SV2C: variants seen among roughly 807,000 people sequenced by gnomAD.
SV2C encodes the protein solute carrier family 22 member B3.
Under a neutral mutation model 79.7 loss-of-function variants are expected in SV2C, and 49 were observed. That is an observed-to-expected ratio of 0.61 (90% CI 0.49 to 0.78). SV2C has a LOEUF of 0.78. Ranked by LOEUF, SV2C falls within the 30% of genes least tolerant of loss-of-function variation. The pLI is 0.00. For missense variants in SV2C, 833 were observed against 912.9 expected (o/e 0.91, Z 1.13); for synonymous variants, 334 against 333.2 (o/e 1.00, Z -0.03).
the SV2C span, among the ~76,000 whole-genome samples, chr5:75,874,320 A>G: frequency 6.6e-6 from 1 of 152,216 alleles, no homozygotes; most frequent in African/African-American, 2.4e-5. Context: ...TGATTATCTC[A>G]ATAGACACAG....
the SV2C span, among the ~76,000 whole-genome samples, chr5:75,978,604 T>C: frequency 6.6e-6 from 1 of 152,180 alleles, no homozygotes; most frequent in Non-Finnish European, 1.5e-5. Context: ...ATATATATGT[T>C]TCCACAAAAA....
chr5:75,915,700 G>T, the SV2C span, among the ~76,000 whole-genome samples: 2 of 152,218 alleles, frequency 1.3e-5, no homozygotes, highest in African/African-American at 4.8e-5. Flanking sequence ...AGACAGGATT[G>T]TTCACTTGAT....
At chr5:76,289,809 G>A (rs530423182) in intron 6 of SV2C, among the ~76,000 whole-genome samples, 5 of 152,318 alleles carry the variant, frequency 3.3e-5, no homozygotes, top group South Asian at 2.1e-4. Context: ...GGCAGATAGC[G>A]TATTTCTCTA....
the SV2C span, among the ~76,000 whole-genome samples, chr5:76,030,289 T>TTTTTTTTTTTTTTTTTTTTA: frequency 8.5e-6 from 1 of 117,876 alleles, no homozygotes; most frequent in Admixed American, 8.4e-5. Context: ...TTTTTTTTTT[T>TTTTTTTTTTTTTTTTTTTTA]TTTATTTATT....
intron 2 of SV2C, among the ~76,000 whole-genome samples, chr5:76,190,668 G>A (rs1428265453): frequency 6.6e-6 from 1 of 152,176 alleles, no homozygotes; most frequent in Non-Finnish European, 1.5e-5. Context: ...GTCAAGGAGA[G>A]ATTGTGTGTC....
intron 4 of SV2C, among the ~76,000 whole-genome samples, chr5:76,269,268 G>A (rs567134020): frequency 3.3e-5 from 5 of 152,064 alleles, no homozygotes; most frequent in African/African-American, 1.2e-4. Context: ...TGTCTCCTGG[G>A]GTATAGTTCT....
intron 2 of SV2C, among the ~76,000 whole-genome samples, chr5:76,163,599 C>A (rs1580319211): frequency 6.6e-6 from 1 of 152,226 alleles, no homozygotes; most frequent in Middle Eastern, 3.4e-3. Flanking sequence ...TGCCCCAGCA[C>A]CACCTTGGTG....
At chr5:76,217,944 A>G (rs1161899847) in intron 4 of SV2C, among the ~76,000 whole-genome samples, 1 of 152,214 alleles carries the variant, frequency 6.6e-6, no homozygotes, top group African/African-American at 2.4e-5. Context: ...CCAGATAGAA[A>G]TAACGAGAGT....
intron 2 of SV2C, among the ~76,000 whole-genome samples, chr5:76,171,682 G>T: frequency 7.4e-6 from 1 of 135,372 alleles, no homozygotes; most frequent in Admixed American, 7.5e-5. Flanking sequence ...CCCCCCGCCC[G>T]GCCAGCCGTG....
At chr5:76,068,777 T>G in the SV2C span, among the ~76,000 whole-genome samples, 1 of 152,114 alleles carries the variant, frequency 6.6e-6, no homozygotes, top group Admixed American at 6.5e-5. Flanking sequence ...TTTGCATATA[T>G]GTATCATAAT....
chr5:76,150,397 C>A (rs1272492148), intron 2 of SV2C, among the ~76,000 whole-genome samples: 1 of 151,964 alleles, frequency 6.6e-6, no homozygotes, highest in African/African-American at 2.4e-5. Flanking sequence ...AGGATGGTCT[C>A]AATCTCTCGA....
intron 3 of SV2C, among the ~76,000 whole-genome samples, chr5:76,206,008 C>CT (rs1188560678): frequency 6.6e-6 from 1 of 152,176 alleles, no homozygotes; most frequent in Non-Finnish European, 1.5e-5. Context: ...AATTTAAGGA[C>CT]TTTCATTTAC....
the SV2C span, among the ~76,000 whole-genome samples, chr5:76,065,591 T>C: frequency 6.6e-6 from 1 of 152,200 alleles, no homozygotes; most frequent in East Asian, 1.9e-4. Flanking sequence ...ATCTTTAACA[T>C]TTTGAATACT....
At chr5:75,982,732 G>A in the SV2C span, among the ~76,000 whole-genome samples, 15 of 152,174 alleles carry the variant, frequency 9.9e-5, no homozygotes, top group Non-Finnish European at 1.9e-4. Flanking sequence ...ATCAATGATA[G>A]ACTGAATAAA....
chr5:75,886,371 C>T, the SV2C span, among the ~76,000 whole-genome samples: 3 of 152,144 alleles, frequency 2.0e-5, no homozygotes, highest in African/African-American at 7.2e-5. Context: ...TCCTAAGTGG[C>T]ACACTGCCTT....
chr5:75,981,133 A>C, the SV2C span, among the ~76,000 whole-genome samples: 2,325 of 152,290 alleles, frequency 0.015, 51 homozygotes, highest in African/African-American at 0.053. Flanking sequence ...AAAATGAATA[A>C]AATACCTAGG....
the SV2C span, among the ~76,000 whole-genome samples, chr5:76,045,969 G>A: frequency 6.6e-6 from 1 of 152,186 alleles, no homozygotes; most frequent in African/African-American, 2.4e-5. Context: ...CATCTATAAT[G>A]TTGCAGGTGC....
At chr5:75,961,378 GTAA>G in the SV2C span, among the ~76,000 whole-genome samples, 2 of 151,496 alleles carry the variant, frequency 1.3e-5, no homozygotes, top group South Asian at 2.1e-4. Flanking sequence ...TTATGTTGTT[GTAA>G]TCAATATTTT....
chr5:76,033,499 G>C, the SV2C span, among the ~76,000 whole-genome samples: 1 of 152,112 alleles, frequency 6.6e-6, no homozygotes. Flanking sequence ...ATTTATTAAA[G>C]AGGGAATCCT....
Sources: allele counts gnomAD v4.1 joint callset (sites outside exome capture counted in the v4.1 genomes callset), GRCh38; gene constraint gnomAD v4.1.1; transcripts MANE v1.5; gene names NCBI Gene and HGNC (gene_info 2026-07-23, HGNC 2026-07-21).